Variants in COLQ observed in about 807,000 individuals in gnomAD.
COLQ encodes acetylcholinesterase collagenic tail peptide.
COLQ carries 48 observed loss-of-function variants against 69.0 expected under a neutral mutation model. The ratio of observed to expected loss-of-function variants is 0.70; its 90% CI spans 0.55 to 0.88. The LOEUF is 0.88. Among genes scored for constraint, COLQ ranks in the 40% least tolerant of loss-of-function variants. The pLI is 0.00. For missense variants in COLQ, 618 were observed against 594.6 expected (o/e 1.04, Z -0.41); for synonymous variants, 217 against 211.2 (o/e 1.03, Z -0.24).
chr3:15,505,583 T>C (rs1361260186), intron 1 of COLQ, among the ~76,000 whole-genome samples: 5 of 152,222 alleles, frequency 3.3e-5, no homozygotes, highest in Non-Finnish European at 1.5e-5. Flanking sequence ...CAAGGGAACA[T>C]AAAGAAACCT....
Position 15,479,093 on chromosome 3 carries a change from G to A in COLQ, c.367-90C>T, listed in dbSNP as rs2062431873. On this transcript the variant is annotated intron_variant, in intron 4 of 16. Transcript: ENST00000383788. ...TTAGTAGAGCTGATGACTGGGCATG[G>A]CCATGTGGCTCAGTTGCTTGGCTGC... The A allele has an allele frequency of 6.6e-6, 10 of 1,515,620 alleles. No individual in the cohort carries two copies. In the South Asian group the frequency reaches 1.0e-4, roughly 15 times the overall value. The allele number at this position is 1,515,620 out of a possible 1,614,324, so 93.9% of individuals were successfully genotyped here.
At position 15,492,969 on chromosome 3, in the gene COLQ, C is replaced by T. The variant is rs548168048; in HGVS notation, c.107-3332G>A. ...AAAAAGTTCCATAGAACCCAGCACTCAACGCCAAAGCAGCATCCACTCCAG... is the reference window on the plus strand; with the variant it reads ...AAAAAGTTCCATAGAACCCAGCACTTAACGCCAAAGCAGCATCCACTCCAG... On this transcript the variant is annotated intron_variant, in intron 1 of 16. Transcript: ENST00000383788. 7.9e-5 allele frequency among the ~76,000 whole-genome samples: 12 copies of T among 152,300 alleles called. No homozygotes were observed. The South Asian group carries it at 2.5e-3, about 32-fold the overall frequency.
At chr3:15,480,817 A>G (rs558767717) in intron 3 of COLQ, among the ~76,000 whole-genome samples, 15 of 152,234 alleles carry the variant, frequency 9.9e-5, no homozygotes, top group South Asian at 8.3e-4. Context: ...AAGTGTTCCT[A>G]TTTCTCCACA....
At chr3:15,489,682 G>A (rs749861100) in intron 1 of COLQ, 45 bp from the exon 2 acceptor site, 6 of 1,564,714 alleles carry the variant, frequency 3.8e-6, no homozygotes, top group Admixed American at 1.7e-5. Flanking sequence ...GTCAGTGCTG[G>A]GCCTCTGTCA....
In COLQ at chr3:15,521,606, A is replaced by T; in HGVS notation, c.20T>A (p.Met7Lys). 1 of 1,614,168 alleles carries T rather than the reference A, an allele frequency of 6.2e-7. No individual in the cohort carries two copies. The change falls in exon 1 of 17, where the codon ATG becomes AAG. Residue 7 changes from methionine to lysine, a missense_variant. Physicochemically the swap from Met to Lys is moderately conservative, Grantham distance 95. Transcript: ENST00000383788. ...AAGCTGAAGATAAATTCCCAAAGTC[A>T]TTGGATTCAGGACAACCATGCTGGC... Reference protein sequence around the residue: MVVLNPMTLGIYLQLFF... With the variant: MVVLNPKTLGIYLQLFF...
intron 1 of COLQ, among the ~76,000 whole-genome samples, chr3:15,520,860 G>GTGGA (rs1281906373): frequency 6.6e-6 from 1 of 152,136 alleles, no homozygotes; most frequent in African/African-American, 2.4e-5. Context: ...GGCTGTCACT[G>GTGGA]TGGAACCCCC....
At chr3:15,470,836 G>C (rs1323644642) in intron 10 of COLQ, among the ~76,000 whole-genome samples, 1 of 152,188 alleles carries the variant, frequency 6.6e-6, no homozygotes, top group Non-Finnish European at 1.5e-5. Flanking sequence ...AATTCTGAGT[G>C]GGTTATCTGT....
At chr3:15,492,861 A>T (rs2062692694) in intron 1 of COLQ, among the ~76,000 whole-genome samples, 1 of 152,196 alleles carries the variant, frequency 6.6e-6, no homozygotes, top group Non-Finnish European at 1.5e-5. Context: ...CCTTTGAAAC[A>T]ACCAAAAATA....
chr3:15,498,119 G>A (rs571200455), intron 1 of COLQ, among the ~76,000 whole-genome samples: 4 of 152,220 alleles, frequency 2.6e-5, no homozygotes, highest in East Asian at 1.9e-4. Context: ...CAACGCCAGC[G>A]GGGGCCCAGA....
Position 15,455,791 on chromosome 3 carries a change from T to C in COLQ, c.1195+108A>G, listed in dbSNP as rs1411131640. The C allele has an allele frequency of 1.6e-5, 23 of 1,476,954 alleles. No individual in the cohort carries two copies. The East Asian group carries it at 5.0e-4, about 32-fold the overall frequency. 91.5% of individuals were successfully genotyped at this position (1,476,954 alleles called of 1,614,324 possible). A position where few individuals can be genotyped will look rare whatever the true frequency, so the allele number is the denominator to read the frequency against. On this transcript the variant is annotated intron_variant, in intron 15 of 16. Transcript: ENST00000383788. ...AAGGTGGCCTGGGTATACCCTTCTC[T>C]GGCTCTAGAAAGGTCCCAAAGCACC... is the stretch of plus-strand genomic sequence containing the variant.
chr3:15,488,436 G>GC, intron 2 of COLQ, 129 bp from the exon 3 acceptor site: 1 of 755,222 alleles, frequency 1.3e-6, no homozygotes. Context: ...CCCAATGACT[G>GC]CCCCAAGAAG....
At chr3:15,458,638 G>T (rs896526128) in intron 12 of COLQ, among the ~76,000 whole-genome samples, 2 of 152,184 alleles carry the variant, frequency 1.3e-5, no homozygotes, top group Admixed American at 1.3e-4. Context: ...CAGGAAAGAC[G>T]AAAGGCTCAT....
chr3:15,480,431 G>A (rs1003533923), intron 3 of COLQ, among the ~76,000 whole-genome samples: 1 of 151,972 alleles, frequency 6.6e-6, no homozygotes, highest in African/African-American at 2.4e-5. Flanking sequence ...AACATGCGGT[G>A]TTTGGTTTTC....
Position 15,473,589 on chromosome 3 carries a change from T to C in COLQ, c.636+411A>G, listed in dbSNP as rs1252286603. Among the ~76,000 whole-genome samples the C allele has an allele frequency of 1.3e-5, 2 of 152,214 alleles. No homozygotes were observed. The highest frequency in any genetic ancestry group is 4.8e-5 in the African/African-American group (2 of 41,462). On this transcript the variant is annotated intron_variant, in intron 10 of 16. Coordinates refer to ENST00000383788, the MANE Select transcript of COLQ (RefSeq NM_005677.4). The surrounding 1 kb of genome is among the most constrained non-coding windows in gnomAD (Gnocchi z 4.0). ...AGGACTGCAATAAGGCACAGTGACC[T>C]TAAGCTAAAGACACCTGTGCCTTAC...
chr3:15,474,950 C>A lies in COLQ; in HGVS notation c.530G>T (p.Gly177Val). Residue 177 changes from glycine (G) to valine (V), a missense_variant and splice_region_variant, in exon 8 of 17, where the codon GGC becomes GTC. By Grantham distance (109) the Gly-to-Val change is moderately radical (BLOSUM62 -3). Coordinates refer to ENST00000383788, the MANE Select transcript of COLQ (RefSeq NM_005677.4). ...CTTTTCCCCTCTGGATCCAGGGTAG[C>A]CCTAAAAGAAAGCAGAAGGTACATT... The part of the protein sequence containing the change: ...PGSRGPMGSK[G>V]YPGSRGEKGS... 6.2e-7 allele frequency: 1 copy of A among 1,614,132 alleles called. No individual in the cohort carries two copies. Among genetic ancestry groups the A allele is most frequent in the Non-Finnish European group, 8.5e-7 (1 of 1,179,980 alleles).
intron 1 of COLQ, among the ~76,000 whole-genome samples, chr3:15,511,714 T>C (rs1229593050): frequency 2.0e-5 from 3 of 152,152 alleles, no homozygotes; most frequent in Non-Finnish European, 4.4e-5. Context: ...CCCTAATTCC[T>C]GGACACTGTG....
intron 12 of COLQ, among the ~76,000 whole-genome samples, chr3:15,462,579 C>T (rs1004276518): frequency 1.3e-5 from 2 of 152,082 alleles, no homozygotes. Flanking sequence ...GCCTGGGAGC[C>T]CCTGCAGGAA....
At chr3:15,497,038 T>TTTTA (rs2125154559) in intron 1 of COLQ, among the ~76,000 whole-genome samples, 1 of 81,520 alleles carries the variant, frequency 1.2e-5, no homozygotes, top group African/African-American at 5.3e-5. Flanking sequence ...CCTTTTGCCT[T>TTTTA]TTTTTTTTTT....
chr3:15,516,945 C>A (rs1342057725), intron 1 of COLQ, among the ~76,000 whole-genome samples: 1 of 152,132 alleles, frequency 6.6e-6, no homozygotes, highest in Non-Finnish European at 1.5e-5. Context: ...AGTTCGAGAC[C>A]AGCCTGGCCA....
Sources: allele counts gnomAD v4.1 joint callset (sites outside exome capture counted in the v4.1 genomes callset), GRCh38; gene constraint gnomAD v4.1.1; non-coding constraint Gnocchi (gnomAD v3.1); transcripts MANE v1.5; gene names NCBI Gene and HGNC (gene_info 2026-07-23, HGNC 2026-07-21).